The following CTNNA2 variants were observed in gnomAD, a reference collection of about 807,000 sequenced individuals.
The protein encoded by CTNNA2 is catenin alpha-2.
Under a neutral mutation model 101.0 loss-of-function variants are expected in CTNNA2, and 42 were observed. The ratio of observed to expected loss-of-function variants is 0.42; its 90% confidence interval spans 0.32 to 0.54. CTNNA2 has a LOEUF of 0.54. CTNNA2 is among the 20% of genes least tolerant of loss of function. The pLI is 0.14. For synonymous variants in CTNNA2, 450 were observed against 456.4 expected (o/e 0.99, Z 0.18); for missense variants, 871 against 1,223.1 (o/e 0.71, Z 4.29).
At chr2:79,661,201 C>T (rs1165911002) in intron 2 of CTNNA2, among the ~76,000 whole-genome samples, 1 of 152,142 alleles carries the variant, frequency 6.6e-6, no homozygotes, top group East Asian at 1.9e-4. Flanking sequence ...TAAATATTTT[C>T]ACAGTTAACA....
At chr2:80,643,434 C>T (rs960881547) in intron 18 of CTNNA2, among the ~76,000 whole-genome samples, 2 of 152,168 alleles carry the variant, frequency 1.3e-5, no homozygotes, top group African/African-American at 2.4e-5. Flanking sequence ...GTTCAGAAAA[C>T]AGCACATGGT....
At chr2:79,785,796 T>A (rs1237277137) in intron 3 of CTNNA2, among the ~76,000 whole-genome samples, 1 of 152,088 alleles carries the variant, frequency 6.6e-6, no homozygotes, top group East Asian at 1.9e-4. Context: ...CCATTGTGAT[T>A]GAGAAAATGA....
chr2:80,029,893 G>T (rs981986565), intron 7 of CTNNA2, among the ~76,000 whole-genome samples: 2 of 152,036 alleles, frequency 1.3e-5, no homozygotes, highest in African/African-American at 2.4e-5. Flanking sequence ...CAGACACAAA[G>T]TTGAGCAGGC....
At chr2:79,457,063 G>A (rs58260694) in intron 4 of CTNNA2, among the ~76,000 whole-genome samples, 27,997 of 151,760 alleles carry the variant, frequency 0.18, 2,671 homozygotes, top group Middle Eastern at 0.3. Context: ...TTAGCCGGGC[G>A]CGGTGGCGGG....
rs563378745 is a variant in CTNNA2, at chr2:79,724,553, C to T, written c.103-19834C>T. Among the ~76,000 whole-genome samples, 12 of 152,102 alleles carry T rather than the reference C, an allele frequency of 7.9e-5. No individual in the cohort carries two copies. The South Asian group carries it at 2.1e-3, about 26-fold the overall frequency. On this transcript the variant is annotated intron_variant, in intron 2 of 18. Transcript: ENST00000402739. The stretch of plus-strand genomic sequence containing the variant: ...AATAATGGGCTGGCGCGGTGGCTCA[C>T]GCCTGTAACCCCAGTACTTTGGGAG...
chr2:79,264,872 G>T (rs958368420), intron 2 of CTNNA2, among the ~76,000 whole-genome samples: 2 of 152,066 alleles, frequency 1.3e-5, no homozygotes, highest in African/African-American at 4.8e-5. Flanking sequence ...GCTAAGGAGA[G>T]GAAGTCCTAA....
At chr2:79,695,667 A>G (rs749122803) in intron 2 of CTNNA2, among the ~76,000 whole-genome samples, 6 of 151,982 alleles carry the variant, frequency 3.9e-5, no homozygotes, top group African/African-American at 4.8e-5. Context: ...TAGACTGGCC[A>G]GGTCCACTCC....
intron 16 of CTNNA2, 106 bp downstream of exon 16, chr2:80,604,285 A>ATTCT: frequency 2.5e-6 from 2 of 793,798 alleles, no homozygotes; most frequent in South Asian, 1.5e-5. Flanking sequence ...TGAAGAATGA[A>ATTCT]TCAGAGGGGA....
intron 2 of CTNNA2, among the ~76,000 whole-genome samples, chr2:79,305,604 G>A (rs1051779390): frequency 6.6e-6 from 1 of 151,860 alleles, no homozygotes; most frequent in Non-Finnish European, 1.5e-5. Flanking sequence ...TTTATATAAA[G>A]AATTCTGACT....
chr2:80,102,894 C>T (rs1054054890), intron 7 of CTNNA2, among the ~76,000 whole-genome samples: 1 of 152,162 alleles, frequency 6.6e-6, no homozygotes, highest in Non-Finnish European at 1.5e-5. Context: ...GGCCCTTCCA[C>T]AGACTGGATC....
intron 11 of CTNNA2, among the ~76,000 whole-genome samples, chr2:80,547,979 A>G (rs940752281): frequency 1.3e-5 from 2 of 152,172 alleles, no homozygotes; most frequent in Non-Finnish European, 2.9e-5. Context: ...GGCGTGAGCC[A>G]TCGCGCCCAG....
At chr2:79,669,630 G>A (rs1196819802) in intron 2 of CTNNA2, among the ~76,000 whole-genome samples, 1 of 152,228 alleles carries the variant, frequency 6.6e-6, no homozygotes, top group Non-Finnish European at 1.5e-5. Flanking sequence ...CTGCAGGCAA[G>A]TCATTTGGAT....
intron 7 of CTNNA2, among the ~76,000 whole-genome samples, chr2:80,328,882 A>G (rs1278798360): frequency 1.3e-5 from 2 of 152,138 alleles, no homozygotes; most frequent in Admixed American, 1.3e-4. Flanking sequence ...AATATAAGTC[A>G]TTTTCGCTAC....
chr2:79,532,907 G>T (rs1003978944), intron 1 of CTNNA2, among the ~76,000 whole-genome samples: 4 of 152,024 alleles, frequency 2.6e-5, no homozygotes, highest in Non-Finnish European at 2.9e-5. Flanking sequence ...CTGTGTTCCA[G>T]ACTCAAGCTC....
At chr2:79,780,398 A>G (rs1035637968) in intron 3 of CTNNA2, among the ~76,000 whole-genome samples, 1 of 152,206 alleles carries the variant, frequency 6.6e-6, no homozygotes, top group Non-Finnish European at 1.5e-5. Context: ...ACTACCAGAC[A>G]TCTGAGGAAC....
intron 4 of CTNNA2, among the ~76,000 whole-genome samples, chr2:79,386,693 AG>A (rs1678109054): frequency 6.6e-6 from 1 of 152,244 alleles, no homozygotes; most frequent in East Asian, 1.9e-4. Context: ...TCTCAAGATA[AG>A]AAATGCTTCC....
chr2:80,231,723 T>G (rs1362674688), intron 7 of CTNNA2, among the ~76,000 whole-genome samples: 1 of 152,166 alleles, frequency 6.6e-6, no homozygotes, highest in Admixed American at 6.5e-5. Flanking sequence ...TAGCATCACA[T>G]GACAGACAGC....
At chr2:80,040,350 T>C (rs913064899) in intron 7 of CTNNA2, among the ~76,000 whole-genome samples, 8 of 152,200 alleles carry the variant, frequency 5.3e-5, no homozygotes, top group African/African-American at 1.9e-4. Flanking sequence ...TGGGCAGACT[T>C]GATTGATATT....
rs148657636 is a variant in CTNNA2 at position 80,619,019 on chromosome 2, G to A, written c.2431-66G>A. ...ACTCCCTAATCCCTTCCCAAGTAGG[G>A]TACTTTTTTTTTTTTTCTTTTGCTC... is the stretch of plus-strand genomic sequence containing the variant. On this transcript the variant is annotated intron_variant, in intron 17 of 18. Transcript: ENST00000402739. 4.1e-5 allele frequency: 42 copies of A among 1,018,968 alleles called. No individual in the cohort carries two copies. In the East Asian group the frequency reaches 1.2e-3, roughly 28 times the overall value. The allele number at this position is 1,018,968 out of a possible 1,614,324, so 63.1% of individuals were successfully genotyped here. A position where few individuals can be genotyped will look rare whatever the true frequency, so the allele number is the denominator to read the frequency against.
Sources: gnomAD v4.1 joint callset for allele counts (sites outside exome capture counted in the v4.1 genomes callset) on GRCh38, gnomAD v4.1.1 for gene constraint, MANE v1.5 for transcripts, NCBI Gene and HGNC (gene_info 2026-07-23, HGNC 2026-07-21) for gene names.